Variants in XYLT1 observed in about 807,000 individuals in gnomAD.
XYLT1 encodes the protein xylosyltransferase 1, also known as beta-D-xylosyltransferase 1.
Under a neutral mutation model 91.3 loss-of-function variants are expected in XYLT1, and 36 were observed. The ratio of observed to expected loss-of-function variants is 0.39; its 90% CI spans 0.30 to 0.52. XYLT1 has a LOEUF of 0.52. Ranked by LOEUF, XYLT1 falls within the 20% of genes least tolerant of loss-of-function variation. XYLT1 has a pLI of 0.68. For synonymous variants in XYLT1, 588 were observed against 532.0 expected, an observed-to-expected ratio of 1.11 and a Z score of -1.45; for missense variants, 1,242 against 1,284.5, an observed-to-expected ratio of 0.97 and a Z score of 0.51.
chr16:17,113,296 C>T (rs1482445679), intron 11 of XYLT1, among the ~76,000 whole-genome samples: 1 of 151,912 alleles, frequency 6.6e-6, no homozygotes, highest in Non-Finnish European at 1.5e-5. Context: ...CACCCGTCAC[C>T]ATGCCTGGCT....
chr16:17,398,915 G>T (rs897659960), intron 1 of XYLT1, among the ~76,000 whole-genome samples: 1 of 146,624 alleles, frequency 6.8e-6, no homozygotes, highest in Non-Finnish European at 1.5e-5. Flanking sequence ...CTCGATCTCG[G>T]CTCATTGCAA....
At chr16:17,204,163 G>A (rs982754820) in intron 3 of XYLT1, among the ~76,000 whole-genome samples, 3 of 152,194 alleles carry the variant, frequency 2.0e-5, no homozygotes, top group Admixed American at 6.5e-5. Context: ...GGAGATTTGC[G>A]ATATAGAGGA....
chr16:17,470,882 C>CG lies in XYLT1; in HGVS notation c.-87dup. On this transcript the variant is annotated 5_prime_UTR_variant, in exon 1 of 12. Coordinates refer to ENST00000261381, the MANE Select transcript of XYLT1 (RefSeq NM_022166.4). ...CGCTCCCCGCAGCTCCCGCGGCCGC[C>CG]GGCTGCCGCTCGGGCTCCCGCTCGG... is the stretch of plus-strand genomic sequence containing the variant. 1 of 824,822 alleles carries CG rather than the reference C, an allele frequency of 1.2e-6. No homozygotes were observed. The highest frequency in any genetic ancestry group is 1.3e-6 in the Non-Finnish European group (1 of 753,422). The allele number at this position is 824,822 out of a possible 1,614,324, so 51.1% of individuals were successfully genotyped here.
intron 2 of XYLT1, among the ~76,000 whole-genome samples, chr16:17,309,141 A>G (rs80091442): frequency 0.031 from 4,783 of 152,230 alleles, 258 homozygotes; most frequent in African/African-American, 0.11. Flanking sequence ...CAGTTTCTCA[A>G]CCTTGACACT....
At chr16:17,192,530 A>T (rs1420017227) in intron 5 of XYLT1, among the ~76,000 whole-genome samples, 1 of 152,178 alleles carries the variant, frequency 6.6e-6, no homozygotes, top group Admixed American at 6.5e-5. Context: ...TACGAATAAA[A>T]CCATCATACC....
At chr16:17,132,446 A>T (rs569691651) in intron 9 of XYLT1, among the ~76,000 whole-genome samples, 2 of 152,296 alleles carry the variant, frequency 1.3e-5, no homozygotes, top group Admixed American at 6.5e-5. Flanking sequence ...AATTGTTACC[A>T]TCACACACAG....
chr16:17,380,569 GATA>G (rs1424925016), intron 1 of XYLT1, among the ~76,000 whole-genome samples: 4 of 152,174 alleles, frequency 2.6e-5, no homozygotes, highest in African/African-American at 9.7e-5. Context: ...CAGATGGAGG[GATA>G]ATAAGGTGGC....
At chr16:17,118,081 T>C in intron 10 of XYLT1, 102 bp from the exon 11 acceptor site, 1 of 1,232,014 alleles carries the variant, frequency 8.1e-7, no homozygotes, top group Non-Finnish European at 1.1e-6. Flanking sequence ...ATACCCATTT[T>C]ACAGATGAAG....
chr16:17,448,931 A>C (rs537200494), intron 1 of XYLT1, among the ~76,000 whole-genome samples: 1 of 152,294 alleles, frequency 6.6e-6, no homozygotes, highest in Non-Finnish European at 1.5e-5. Flanking sequence ...TGAGGCACAA[A>C]GACTTCAGTC....
At chr16:17,153,530 T>A (rs1246160025) in intron 6 of XYLT1, among the ~76,000 whole-genome samples, 3 of 152,196 alleles carry the variant, frequency 2.0e-5, no homozygotes, top group Non-Finnish European at 4.4e-5. Context: ...TCCTCCTACA[T>A]CAGCCTCCCA....
At chr16:17,325,325 A>G (rs1025522599) in intron 2 of XYLT1, among the ~76,000 whole-genome samples, 1 of 152,152 alleles carries the variant, frequency 6.6e-6, no homozygotes, top group African/African-American at 2.4e-5. Context: ...TGCTTGAACC[A>G]GGGTGGTGGA....
intron 2 of XYLT1, among the ~76,000 whole-genome samples, chr16:17,309,343 A>G (rs944407271): frequency 6.6e-6 from 1 of 152,142 alleles, no homozygotes; most frequent in African/African-American, 2.4e-5. Flanking sequence ...CCCAGTTGAG[A>G]GTTGCTAGTC....
chr16:17,424,319 GGCCAAGTAGGCTACAAATGGCA>G (rs2036286669), intron 1 of XYLT1, among the ~76,000 whole-genome samples: 1 of 152,188 alleles, frequency 6.6e-6, no homozygotes, highest in Admixed American at 6.5e-5. Flanking sequence ...AACAAGATAA[GGCCAAGTAGGCTACAAATGGCA>G]CCCACAAGTT....
At chr16:17,324,547 C>T (rs1379665556) in intron 2 of XYLT1, among the ~76,000 whole-genome samples, 2 of 152,212 alleles carry the variant, frequency 1.3e-5, no homozygotes, top group Non-Finnish European at 2.9e-5. Flanking sequence ...GGTGCCATGC[C>T]ATGTCCGGTT....
chr16:17,319,840 G>A (rs187131994), intron 2 of XYLT1, among the ~76,000 whole-genome samples: 16 of 152,290 alleles, frequency 1.1e-4, no homozygotes, highest in Admixed American at 9.8e-4. Flanking sequence ...TTTCCCCACT[G>A]AATGGAAATA....
At chr16:17,160,203 C>T (rs938969391) in intron 5 of XYLT1, among the ~76,000 whole-genome samples, 2 of 152,116 alleles carry the variant, frequency 1.3e-5, no homozygotes, top group South Asian at 4.1e-4. Context: ...TCTGAATGCG[C>T]CTAGGTTGAA....
intron 2 of XYLT1, among the ~76,000 whole-genome samples, chr16:17,332,792 C>T (rs2034921279): frequency 6.6e-6 from 1 of 152,068 alleles, no homozygotes; most frequent in Admixed American, 6.5e-5. Flanking sequence ...CTAGACTGGC[C>T]ATTTATAGTC....
intron 3 of XYLT1, chr16:17,226,996 G>C (rs925521067): frequency 6.6e-6 from 1 of 152,180 alleles, no homozygotes; most frequent in East Asian, 1.9e-4. Flanking sequence ...CGCTTAGCCT[G>C]GTGTCTGGCA....
intron 3 of XYLT1, among the ~76,000 whole-genome samples, chr16:17,230,137 A>G (rs1432453853): frequency 6.6e-6 from 1 of 152,062 alleles, no homozygotes; most frequent in Admixed American, 6.6e-5. Flanking sequence ...GACCTCCAGA[A>G]CTCTCATTCT....
Sources: allele counts gnomAD v4.1 joint callset (sites outside exome capture counted in the v4.1 genomes callset), GRCh38; gene constraint gnomAD v4.1.1; transcripts MANE v1.5; gene names NCBI Gene and HGNC (gene_info 2026-07-23, HGNC 2026-07-21).